Variants in STOX2 observed in about 807,000 individuals in gnomAD.
STOX2 encodes storkhead-box protein 2.
A neutral mutation model predicts 60.9 loss-of-function variants in STOX2; 28 were observed. The ratio of observed to expected loss-of-function variants is 0.46; its 90% confidence interval spans 0.34 to 0.63. STOX2 has a LOEUF of 0.63. Ranked by LOEUF, STOX2 falls within the 30% of genes least tolerant of loss-of-function variation. STOX2 has a pLI of 0.01. For synonymous variants in STOX2, 472 were observed against 463.9 expected (o/e 1.02, Z -0.22); for missense variants, 1,024 against 1,187.7 (o/e 0.86, Z 2.03).
intron 1 of STOX2, among the ~76,000 whole-genome samples, chr4:183,884,517 T>C (rs1374658388): frequency 2.0e-5 from 3 of 152,188 alleles, no homozygotes; most frequent in African/African-American, 7.2e-5. Context: ...GTTAGATACA[T>C]GTCCTATTCA....
At chr4:183,924,690 T>C (rs1742191963) in intron 1 of STOX2, among the ~76,000 whole-genome samples, 1 of 152,058 alleles carries the variant, frequency 6.6e-6, no homozygotes, top group Non-Finnish European at 1.5e-5. Context: ...AAATGGATTG[T>C]AGGGCCTAGA....
At chr4:183,860,456 AAAG>A (rs910132528) in intron 1 of STOX2, among the ~76,000 whole-genome samples, 3 of 149,468 alleles carry the variant, frequency 2.0e-5, no homozygotes, top group African/African-American at 4.9e-5. Flanking sequence ...AAAAAAAAAA[AAAG>A]AAGAAAAAGA....
At chr4:183,922,503 G>A (rs777019121) in intron 1 of STOX2, among the ~76,000 whole-genome samples, 10 of 151,746 alleles carry the variant, frequency 6.6e-5, no homozygotes, top group Non-Finnish European at 1.5e-4. Flanking sequence ...CCCCCACCAC[G>A]CCCGGCTAAT....
At chr4:183,939,947 A>C (rs767713257) in intron 1 of STOX2, among the ~76,000 whole-genome samples, 7 of 152,222 alleles carry the variant, frequency 4.6e-5, no homozygotes, top group Non-Finnish European at 1.0e-4. Context: ...TCTGTCGCTC[A>C]GGCTGGAGTG....
At chr4:183,953,738 G>A (rs1743163512) in intron 1 of STOX2, among the ~76,000 whole-genome samples, 1 of 151,756 alleles carries the variant, frequency 6.6e-6, no homozygotes, top group Non-Finnish European at 1.5e-5. Flanking sequence ...GCTAATTTTT[G>A]TCTTTTTAGT....
intron 1 of STOX2, among the ~76,000 whole-genome samples, chr4:183,861,310 G>GC (rs1202044060): frequency 1.3e-5 from 1 of 79,894 alleles, no homozygotes; most frequent in East Asian, 3.5e-4. Flanking sequence ...CGTTACCTTG[G>GC]GGGGGTCCTC....
chr4:183,985,853 T>C (rs1324988682), intron 1 of STOX2, among the ~76,000 whole-genome samples: 2 of 152,226 alleles, frequency 1.3e-5, no homozygotes, highest in Admixed American at 1.3e-4. Flanking sequence ...ATTCTTAAGG[T>C]GCGTGTGCTT....
intron 1 of STOX2, among the ~76,000 whole-genome samples, chr4:183,818,007 C>CA (rs1435563244): frequency 2.0e-5 from 3 of 151,552 alleles, no homozygotes; most frequent in African/African-American, 4.8e-5. Flanking sequence ...CAAGCACCCT[C>CA]AGCATTAAAA....
intron 1 of STOX2, among the ~76,000 whole-genome samples, chr4:183,819,808 C>T (rs1006478665): frequency 6.6e-6 from 1 of 152,160 alleles, no homozygotes; most frequent in Non-Finnish European, 1.5e-5. Flanking sequence ...GGTTCTTTCT[C>T]CCTTTGCTTT....
chr4:183,977,205 T>A (rs532606648), intron 1 of STOX2, among the ~76,000 whole-genome samples: 7 of 152,224 alleles, frequency 4.6e-5, no homozygotes, highest in African/African-American at 1.4e-4. Flanking sequence ...ATCCCTCACT[T>A]CCCTTCTACC....
chr4:184,001,262 G>A lies in STOX2; in HGVS notation c.167-63G>A, dbSNP rs535439707. Reference sequence around the variant, plus strand: ...CAGGGCCAGATGGACGCGTGAAGGCGTGTGTCTGACAGATGACCGGGTCTT... The same window carrying A: ...CAGGGCCAGATGGACGCGTGAAGGCATGTGTCTGACAGATGACCGGGTCTT... On this transcript the variant is annotated intron_variant, in intron 1 of 3. Coordinates refer to ENST00000308497, the MANE Select transcript of STOX2 (RefSeq NM_020225.3). This position sits in a 1 kb window ranked among gnomAD's most constrained non-coding sequence, Gnocchi z 4.2. 588 of 1,547,738 alleles carry A rather than the reference G, an allele frequency of 3.8e-4. No individual in the cohort carries two copies. The highest frequency in any genetic ancestry group is 5.1e-4 in the Middle Eastern group (3 of 5,876).
At chr4:183,872,252 C>T (rs1166410007) in intron 1 of STOX2, among the ~76,000 whole-genome samples, 1 of 152,164 alleles carries the variant, frequency 6.6e-6, no homozygotes, top group Non-Finnish European at 1.5e-5. Context: ...GACGGGGTTT[C>T]ACCATGTTGG....
intron 1 of STOX2, among the ~76,000 whole-genome samples, chr4:183,798,208 G>C (rs1198755778): frequency 6.6e-6 from 1 of 151,496 alleles, no homozygotes; most frequent in Non-Finnish European, 1.5e-5. Context: ...GGAGCCGGGG[G>C]CCCTCTGCGA....
intron 1 of STOX2, among the ~76,000 whole-genome samples, chr4:183,943,967 G>A (rs1370316860): frequency 6.6e-6 from 1 of 152,190 alleles, no homozygotes; most frequent in Non-Finnish European, 1.5e-5. Flanking sequence ...ACTGTGCTAG[G>A]TGCTGTGGAT....
chr4:183,972,144 GA>G (rs977729494), intron 1 of STOX2, among the ~76,000 whole-genome samples: 1 of 152,232 alleles, frequency 6.6e-6, no homozygotes, highest in African/African-American at 2.4e-5. Flanking sequence ...GGGCTGGGCA[GA>G]CATCCAAAAC....
At chr4:183,913,175 G>A (rs748996589) in intron 1 of STOX2, among the ~76,000 whole-genome samples, 8 of 152,088 alleles carry the variant, frequency 5.3e-5, no homozygotes, top group South Asian at 2.1e-4. Context: ...TTGAGGAAGC[G>A]GTACAAACCA....
chr4:183,893,455 C>T (rs1741273058), intron 1 of STOX2, among the ~76,000 whole-genome samples: 1 of 152,100 alleles, frequency 6.6e-6, no homozygotes, highest in African/African-American at 2.4e-5. Flanking sequence ...CTTCAGAGAC[C>T]TGTGGGAGGA....
intron 1 of STOX2, among the ~76,000 whole-genome samples, chr4:183,862,882 T>G (rs919621849): frequency 4.1e-4 from 63 of 152,080 alleles, no homozygotes; most frequent in African/African-American, 1.5e-3. Context: ...CACTACCACC[T>G]CGTGAGGCCT....
chr4:183,819,869 G>C (rs1739266443), intron 1 of STOX2, among the ~76,000 whole-genome samples: 1 of 152,190 alleles, frequency 6.6e-6, no homozygotes, highest in African/African-American at 2.4e-5. Flanking sequence ...GTTGCCTTTG[G>C]AGGAGAAGGT....
Sources: allele counts gnomAD v4.1 joint callset (sites outside exome capture counted in the v4.1 genomes callset), GRCh38; gene constraint gnomAD v4.1.1; non-coding constraint Gnocchi (gnomAD v3.1); transcripts MANE v1.5; gene names NCBI Gene and HGNC (gene_info 2026-07-23, HGNC 2026-07-21).